ALG9: variants seen among roughly 807,000 people sequenced by gnomAD.
ALG9 encodes the protein ALG9 alpha-1,2-mannosyltransferase, also known as alpha-1,2-mannosyltransferase ALG9.
In ALG9, 55 loss-of-function variants were observed where a neutral mutation model predicts 81.8. The observed-to-expected ratio is 0.67, with a 90% CI of 0.54 to 0.84. The LOEUF (loss-of-function observed/expected upper bound fraction) is 0.84, where lower values mean the gene tolerates loss of function less well. ALG9 is among the 40% of genes least tolerant of loss of function. The probability of loss-of-function intolerance (pLI) is 0.00; values close to 1 mark genes in which losing one functional copy is unlikely to be tolerated. For synonymous variants in ALG9, 278 were observed against 274.3 expected, an observed-to-expected ratio of 1.01 and a Z score of -0.13; for missense variants, 629 against 745.0, an observed-to-expected ratio of 0.84 and a Z score of 1.81.
chr11:111,835,307 C>G (rs1383650025), intron 13 of ALG9, among the ~76,000 whole-genome samples: 4 of 152,074 alleles, frequency 2.6e-5, no homozygotes, highest in Non-Finnish European at 5.9e-5. Flanking sequence ...TACTTCTTAC[C>G]TTTTTCATTA....
chr11:111,844,015 T>A (rs1555126404), intron 9 of ALG9, among the ~76,000 whole-genome samples: 1 of 152,216 alleles, frequency 6.6e-6, no homozygotes, highest in Non-Finnish European at 1.5e-5. Flanking sequence ...TTCTGAGATT[T>A]TTTTTGAGAT....
At chr11:111,850,670 G>GCA (rs561240756) in intron 8 of ALG9, among the ~76,000 whole-genome samples, 171 of 131,966 alleles carry the variant, frequency 1.3e-3, no homozygotes, top group Non-Finnish European at 2.3e-3. Flanking sequence ...TCGCACCACT[G>GCA]CACTCCAGCC....
chr11:111,825,822 C>T lies in ALG9; in HGVS notation c.1602+10343G>A, dbSNP rs942901208. On this transcript the variant is annotated intron_variant, in intron 13 of 14. Transcript: ENST00000616540. ...CAGCACTTTGGGAGGCCAAGGTGGGCGGATCACCAGGAAACACCTGACCTG... is the reference window on the plus strand; with the variant it reads ...CAGCACTTTGGGAGGCCAAGGTGGGTGGATCACCAGGAAACACCTGACCTG... Among the ~76,000 whole-genome samples, 7 of 151,302 alleles carry T rather than the reference C, an allele frequency of 4.6e-5. No homozygotes were observed. In the South Asian group the frequency reaches 1.5e-3, roughly 32 times the overall value.
intron 3 of ALG9, among the ~76,000 whole-genome samples, chr11:111,865,925 A>G (rs1555152428): frequency 6.6e-6 from 1 of 152,254 alleles, no homozygotes; most frequent in Non-Finnish European, 1.5e-5. Flanking sequence ...TAGGGGTTAT[A>G]TTAAGTAGCT....
chr11:111,776,185 A>T, the ALG9 span, among the ~76,000 whole-genome samples: 1 of 150,608 alleles, frequency 6.6e-6, no homozygotes, highest in Non-Finnish European at 1.5e-5. Flanking sequence ...AATAAATAAC[A>T]AAAAATAAAT....
chr11:111,795,049 T>C (rs1275358421), intron 14 of ALG9, among the ~76,000 whole-genome samples: 4 of 152,130 alleles, frequency 2.6e-5, no homozygotes, highest in African/African-American at 9.7e-5. Context: ...CAAAGGTGAC[T>C]TACAACCCTG....
chr11:111,814,932 G>C (rs1196062266), intron 13 of ALG9, among the ~76,000 whole-genome samples: 2 of 152,192 alleles, frequency 1.3e-5, no homozygotes, highest in Non-Finnish European at 2.9e-5. Context: ...ACCAACAAGA[G>C]ACAGAGACAC....
intron 14 of ALG9, chr11:111,805,345 C>T (rs782704142): frequency 2.2e-6 from 1 of 455,648 alleles, no homozygotes. Flanking sequence ...GTTGTTTAAG[C>T]CACCCAGTTT....
At chr11:111,808,525 T>C (rs1555087621) in intron 14 of ALG9, among the ~76,000 whole-genome samples, 1 of 152,216 alleles carries the variant, frequency 6.6e-6, no homozygotes, top group African/African-American at 2.4e-5. Context: ...TTTCAGTAAT[T>C]AGGGACCCAT....
At chr11:111,837,160 G>A (rs532779613) in intron 12 of ALG9, among the ~76,000 whole-genome samples, 1 of 152,270 alleles carries the variant, frequency 6.6e-6, no homozygotes, top group African/African-American at 2.4e-5. Context: ...TTATAGAAAT[G>A]TAAATATGAA....
At chr11:111,791,274 A>G (rs1057488921) in intron 14 of ALG9, among the ~76,000 whole-genome samples, 1 of 152,244 alleles carries the variant, frequency 6.6e-6, no homozygotes, top group Non-Finnish European at 1.5e-5. Flanking sequence ...ATACATCATC[A>G]TAACTTAGCA....
At chr11:111,779,588 C>T (rs1295943762), downstream of ALG9, among the ~76,000 whole-genome samples, 7 of 151,144 alleles carry the variant, frequency 4.6e-5, no homozygotes, top group East Asian at 2.0e-4. Context: ...TGGACTCAAA[C>T]GATCCTCCCA....
chr11:111,827,604 C>T (rs549413052), intron 13 of ALG9, among the ~76,000 whole-genome samples: 132 of 152,326 alleles, frequency 8.7e-4, no homozygotes, highest in African/African-American at 3.1e-3. Flanking sequence ...CAGTGGCTCA[C>T]GCCTATAATC....
At chr11:111,834,729 T>C (rs1555115963) in intron 13 of ALG9, among the ~76,000 whole-genome samples, 1 of 152,210 alleles carries the variant, frequency 6.6e-6, no homozygotes, top group Non-Finnish European at 1.5e-5. Flanking sequence ...TGTCCCCCTA[T>C]GACAGTGTAT....
In ALG9 at chr11:111,840,685, G is replaced by C. The variant is rs781885695; in HGVS notation, c.1143C>G (p.Leu381=). ...GTGCAGAGAGAGCCACAGCGCCACA[G>C]AGACATATAAGTGGATACACAGGGA... ...FLFPVYPLIC[L]CGAVALSALQ... Residue 381 remains leucine, a synonymous_variant, in exon 10 of 15, where the codon CTC becomes CTG. Transcript: ENST00000616540. The C allele has an allele frequency of 6.2e-7, 1 of 1,614,066 alleles. No individual in the cohort carries two copies. The highest frequency in any genetic ancestry group is 8.5e-7 in the Non-Finnish European group (1 of 1,180,000).
rs183589620 is a variant in ALG9, at chr11:111,832,041, A to G, written c.1602+4124T>C. Among the ~76,000 whole-genome samples the G allele has an allele frequency of 1.4e-4, 21 of 152,346 alleles. No homozygotes were observed. The East Asian group carries it at 4.1e-3, about 29-fold the overall frequency. ...AGTGTATACATACACAAATATATCT[A>G]CTGGCCTTCTCAGTTCACTGTGTTA... On this transcript the variant is annotated intron_variant, in intron 13 of 14. Coordinates refer to ENST00000616540, the MANE Select transcript of ALG9 (RefSeq NM_024740.2).
At chr11:111,777,929 A>G (rs1945741848), downstream of ALG9, among the ~76,000 whole-genome samples, 1 of 152,156 alleles carries the variant, frequency 6.6e-6, no homozygotes, top group African/African-American at 2.4e-5. Context: ...AATGAGATTA[A>G]CCTTTGCTCT....
intron 6 of ALG9, among the ~76,000 whole-genome samples, chr11:111,856,138 G>A (rs1279536325): frequency 2.0e-5 from 3 of 151,924 alleles, no homozygotes; most frequent in African/African-American, 4.8e-5. Context: ...TTAGCTGGGC[G>A]TGGTGGCATG....
rs966202591 is a variant in ALG9, at chr11:111,785,820, C to T, written c.*577G>A. On this transcript the variant is annotated 3_prime_UTR_variant, in exon 15 of 15. Transcript: ENST00000616540. ...CCTGAGATAGCTCCAGGACAGGGTC[C>T]TAGTCCTGTGAAGTGCTTTAAAGAA... 5.8e-6 allele frequency: 2 copies of T among 346,272 alleles called. No homozygotes were observed. Among genetic ancestry groups the T allele is most frequent in the African/African-American group, 4.3e-5 (2 of 46,568 alleles). 21.4% of individuals were successfully genotyped at this position (346,272 alleles called of 1,614,324 possible).
Sources: allele counts gnomAD v4.1 joint callset (sites outside exome capture counted in the v4.1 genomes callset), GRCh38; gene constraint gnomAD v4.1.1; transcripts MANE v1.5; gene names NCBI Gene and HGNC (gene_info 2026-07-23, HGNC 2026-07-21).